RANBP2: variants seen among roughly 807,000 people sequenced by gnomAD.
RANBP2 encodes E3 SUMO-protein ligase RanBP2.
Under a neutral mutation model 303.6 loss-of-function variants are expected in RANBP2, and 57 were observed. That is an observed-to-expected ratio of 0.19 (90% CI 0.15 to 0.23). The LOEUF (loss-of-function observed/expected upper bound fraction) is 0.23. Ranked by LOEUF, RANBP2 falls within the 10% of genes least tolerant of loss-of-function variation. The pLI, the probability that RANBP2 is intolerant of heterozygous loss-of-function variation, is 1.00. For missense variants in RANBP2, 3,138 were observed against 3,780.8 expected (o/e 0.83, Z 4.46); for synonymous variants, 1,167 against 1,301.5 (o/e 0.90, Z 2.23).
chr2:108,752,909 T>A, intron 12 of RANBP2, 89 bp from the exon 13 acceptor site: 2 of 1,606,176 alleles, frequency 1.2e-6, no homozygotes, highest in Non-Finnish European at 1.7e-6. Flanking sequence ...TGACTTGAAA[T>A]TTTAGCCAGT....
the RANBP2 span, among the ~76,000 whole-genome samples, chr2:109,064,669 A>G: frequency 1.3e-5 from 2 of 152,174 alleles, no homozygotes; most frequent in Non-Finnish European, 2.9e-5. Flanking sequence ...TTTTAAACAG[A>G]TACATGGAGC....
At chr2:108,731,543 A>C in intron 4 of RANBP2, 69 bp downstream of exon 4, 22 of 1,607,502 alleles carry the variant, frequency 1.4e-5, no homozygotes, top group Non-Finnish European at 1.9e-5. Flanking sequence ...AATTTAAATT[A>C]CTTTTCAATA....
the RANBP2 span, chr2:109,732,864 C>T: frequency 7.8e-7 from 1 of 1,283,860 alleles, no homozygotes; most frequent in Non-Finnish European, 1.1e-6. Flanking sequence ...TTTGAAGATC[C>T]CCGAGATGCA....
chr2:109,193,727 C>G, the RANBP2 span, among the ~76,000 whole-genome samples: 2 of 152,020 alleles, frequency 1.3e-5, no homozygotes, highest in South Asian at 4.2e-4. Flanking sequence ...ACATTCTGAC[C>G]CCAAATCATT....
chr2:109,499,980 G>T, the RANBP2 span, among the ~76,000 whole-genome samples: 1 of 152,122 alleles, frequency 6.6e-6, no homozygotes, highest in Non-Finnish European at 1.5e-5. Context: ...TCAGGAGAGT[G>T]GGGGAAGTGA....
the RANBP2 span, among the ~76,000 whole-genome samples, chr2:109,053,304 G>A: frequency 7.2e-3 from 1,093 of 152,376 alleles, 7 homozygotes; most frequent in East Asian, 0.034. Flanking sequence ...TTTTGCCAAA[G>A]CAGGAGCATG....
At chr2:109,068,038 C>T in the RANBP2 span, among the ~76,000 whole-genome samples, 7 of 152,356 alleles carry the variant, frequency 4.6e-5, no homozygotes, top group East Asian at 7.7e-4. Context: ...TCACATGCTC[C>T]CCTGTAAGGC....
chr2:109,203,024 G>T, the RANBP2 span, among the ~76,000 whole-genome samples: 1 of 152,300 alleles, frequency 6.6e-6, no homozygotes, highest in East Asian at 1.9e-4. Flanking sequence ...TACTGGCCTG[G>T]CCATGGTCCT....
chr2:108,885,429 A>G, the RANBP2 span: 1 of 152,232 alleles, frequency 6.6e-6, no homozygotes, highest in Non-Finnish European at 1.5e-5. Flanking sequence ...TATGAATATA[A>G]TGGCTTTCTC....
chr2:108,812,055 C>G, the RANBP2 span, among the ~76,000 whole-genome samples: 4 of 151,956 alleles, frequency 2.6e-5, no homozygotes, highest in Non-Finnish European at 5.9e-5. Context: ...ATTGGATACC[C>G]AGGAATAAAT....
chr2:109,078,094 A>ATATATATATATATATATATATATATAGCG, the RANBP2 span, among the ~76,000 whole-genome samples: 1 of 9,694 alleles, frequency 1.0e-4, no homozygotes, highest in African/African-American at 1.9e-4. Flanking sequence ...ATATATATAT[A>ATATATATATATATATATATATATATAGCG]TATATATATA....
chr2:108,912,840 T>G, the RANBP2 span: 1 of 1,253,468 alleles, frequency 8.0e-7, no homozygotes. Context: ...AGCTCATGGA[T>G]CTGGATTCAT....
chr2:109,523,292 G>A, the RANBP2 span, among the ~76,000 whole-genome samples: 6 of 152,172 alleles, frequency 3.9e-5, no homozygotes, highest in African/African-American at 1.4e-4. Context: ...TAGGGGAAGT[G>A]ACCCACTCAT....
chr2:108,815,877 G>C, the RANBP2 span: 8 of 1,334,542 alleles, frequency 6.0e-6, no homozygotes, highest in South Asian at 1.1e-4. Context: ...ACAAATTTAA[G>C]GTTTGTCTTT....
the RANBP2 span, among the ~76,000 whole-genome samples, chr2:109,097,410 C>G: frequency 3.3e-5 from 5 of 152,026 alleles, no homozygotes; most frequent in Non-Finnish European, 7.4e-5. Context: ...TAATAAAACT[C>G]CAGTGTCCTG....
At chr2:109,078,136 G>T in the RANBP2 span, among the ~76,000 whole-genome samples, 1 of 51,400 alleles carries the variant, frequency 1.9e-5, no homozygotes, top group Non-Finnish European at 3.4e-5. Flanking sequence ...TATATATATA[G>T]CGTGTATATA....
At chr2:109,172,424 C>T in the RANBP2 span, among the ~76,000 whole-genome samples, 1 of 152,208 alleles carries the variant, frequency 6.6e-6, no homozygotes, top group East Asian at 1.9e-4. Flanking sequence ...GTGACTGTAA[C>T]CTAAAAACAT....
At chr2:109,667,310 T>A in the RANBP2 span, 1 of 625,710 alleles carries the variant, frequency 1.6e-6, no homozygotes, top group African/African-American at 1.9e-5. Context: ...TGTGGCCAAT[T>A]GACTGCCATT....
the RANBP2 span, among the ~76,000 whole-genome samples, chr2:108,926,351 A>G: frequency 6.6e-6 from 1 of 152,196 alleles, no homozygotes; most frequent in Non-Finnish European, 1.5e-5. Flanking sequence ...AGCCCAGGAC[A>G]AGAGTCAGTT....
Sources: allele counts gnomAD v4.1 joint callset (sites outside exome capture counted in the v4.1 genomes callset), GRCh38; gene constraint gnomAD v4.1.1; transcripts MANE v1.5; gene names NCBI Gene and HGNC (gene_info 2026-07-23, HGNC 2026-07-21).